PTPRQ: variants seen among roughly 807,000 people sequenced by gnomAD.
PTPRQ encodes the protein protein tyrosine phosphatase receptor type Q, also known as phosphatidylinositol phosphatase PTPRQ.
PTPRQ carries 199 observed loss-of-function variants against 246.0 expected under a neutral mutation model. The observed-to-expected ratio is 0.81, with a 90% CI of 0.72 to 0.91. The LOEUF is 0.91. PTPRQ is among the 40% of genes least tolerant of loss of function. The pLI, the probability that PTPRQ is intolerant of heterozygous loss-of-function variation, is 0.00. For missense variants in PTPRQ, 2,624 were observed against 2,528.4 expected (o/e 1.04, Z -0.81); for synonymous variants, 869 against 853.2 (o/e 1.02, Z -0.32).
At chr12:80,538,686 G>T (rs1896059340) in intron 19 of PTPRQ, among the ~76,000 whole-genome samples, 1 of 152,026 alleles carries the variant, frequency 6.6e-6, no homozygotes, top group Non-Finnish European at 1.5e-5. Context: ...TTAATTTGTT[G>T]ATAAATTTCA....
chr12:80,543,365 AT>A (rs1896212521), intron 23 of PTPRQ, among the ~76,000 whole-genome samples: 1 of 151,408 alleles, frequency 6.6e-6, no homozygotes, highest in Non-Finnish European at 1.5e-5. Flanking sequence ...AGAGTAATTC[AT>A]TTGCAACACT....
intron 35 of PTPRQ, among the ~76,000 whole-genome samples, chr12:80,648,329 G>A (rs1384296881): frequency 6.6e-6 from 1 of 151,948 alleles, no homozygotes; most frequent in African/African-American, 2.4e-5. Flanking sequence ...CTATTTAGCT[G>A]TTAAAATTAT....
intron 35 of PTPRQ, among the ~76,000 whole-genome samples, chr12:80,639,950 T>A (rs1207900054): frequency 6.6e-6 from 1 of 152,068 alleles, no homozygotes; most frequent in Admixed American, 6.6e-5. Flanking sequence ...TTTATGTAAA[T>A]GTCTAAGGTC....
chr12:80,518,950 T>C (rs1189043670), intron 17 of PTPRQ, among the ~76,000 whole-genome samples: 3 of 152,214 alleles, frequency 2.0e-5, no homozygotes, highest in Admixed American at 2.0e-4. Flanking sequence ...GATAGCTTTG[T>C]TATTCTGGGT....
At chr12:80,459,107 C>A (rs1379024857) in intron 4 of PTPRQ, among the ~76,000 whole-genome samples, 177 bp from the exon 5 acceptor site, 1 of 151,938 alleles carries the variant, frequency 6.6e-6, no homozygotes, top group African/African-American at 2.4e-5. Flanking sequence ...GTTGACTTGC[C>A]CCAACTCCAG....
chr12:80,467,345 A>T (rs1797325720), intron 6 of PTPRQ, among the ~76,000 whole-genome samples: 2 of 152,210 alleles, frequency 1.3e-5, no homozygotes, highest in Admixed American at 1.3e-4. Flanking sequence ...ATCATTAAAA[A>T]GTCAGGAAAC....
intron 3 of PTPRQ, among the ~76,000 whole-genome samples, chr12:80,452,169 A>C (rs941902874): frequency 6.8e-5 from 9 of 133,212 alleles, no homozygotes; most frequent in Admixed American, 6.2e-4. Flanking sequence ...CTGTTTTATC[A>C]GAGACTAGGA....
chr12:80,618,190 G>T (rs1183587375), intron 30 of PTPRQ, among the ~76,000 whole-genome samples: 1 of 151,442 alleles, frequency 6.6e-6, no homozygotes, highest in Admixed American at 6.6e-5. Context: ...TGATTCAAAT[G>T]TTGATAGTTA....
In PTPRQ at chr12:80,541,866, G is replaced by T. The variant is rs1248028429; in HGVS notation, c.3445+21G>T. 1.5e-5 allele frequency: 22 copies of T among 1,509,222 alleles called. No homozygotes were observed. In the Middle Eastern group the frequency reaches 5.3e-4, roughly 37 times the overall value. 93.5% of individuals were successfully genotyped at this position (1,509,222 alleles called of 1,614,324 possible). Reference sequence around the variant, plus strand: ...AGATGGTAGGCTAGACCCTTTTATTGTCTGTTAAGCAGATTGTTGTTCTTT... The same window carrying T: ...AGATGGTAGGCTAGACCCTTTTATTTTCTGTTAAGCAGATTGTTGTTCTTT... On this transcript the variant is annotated intron_variant, in intron 21 of 44. Transcript: ENST00000644991.
At chr12:80,466,146 A>C (rs1208830886) in intron 6 of PTPRQ, among the ~76,000 whole-genome samples, 1 of 152,212 alleles carries the variant, frequency 6.6e-6, no homozygotes, top group Non-Finnish European at 1.5e-5. Flanking sequence ...CTGATAAGCA[A>C]TTTCAGCAAA....
chr12:80,618,187 A>G (rs1186915730), intron 30 of PTPRQ, among the ~76,000 whole-genome samples: 1 of 151,504 alleles, frequency 6.6e-6, no homozygotes, highest in African/African-American at 2.4e-5. Flanking sequence ...ATGTGATTCA[A>G]ATGTTGATAG....
intron 8 of PTPRQ, 21 bp from the exon 9 acceptor site, chr12:80,484,412 C>CTTTT: frequency 7.1e-7 from 1 of 1,410,526 alleles, no homozygotes; most frequent in African/African-American, 1.5e-5. Flanking sequence ...CTTTTCTTTT[C>CTTTT]TTTCTTTCTT....
intron 26 of PTPRQ, among the ~76,000 whole-genome samples, chr12:80,598,808 T>C (rs1898050227): frequency 6.6e-6 from 1 of 152,000 alleles, no homozygotes; most frequent in Non-Finnish European, 1.5e-5. Flanking sequence ...TTCTGTTTTG[T>C]AAGTTGATGT....
At chr12:80,621,169 G>T (rs1438761290) in intron 32 of PTPRQ, among the ~76,000 whole-genome samples, 1 of 151,514 alleles carries the variant, frequency 6.6e-6, no homozygotes, top group Non-Finnish European at 1.5e-5. Flanking sequence ...AGAGAAATTA[G>T]GCAAATAAAA....
intron 12 of PTPRQ, among the ~76,000 whole-genome samples, chr12:80,495,765 A>G (rs1894598464): frequency 1.3e-5 from 2 of 152,038 alleles, no homozygotes; most frequent in Admixed American, 6.6e-5. Flanking sequence ...CAGTGTGCCA[A>G]AAAGTTACTT....
At chr12:80,610,252 T>C (rs766238982) in intron 27 of PTPRQ, among the ~76,000 whole-genome samples, 187 bp from the exon 28 acceptor site, 72 of 150,642 alleles carry the variant, frequency 4.8e-4, no homozygotes, top group Admixed American at 1.7e-3. Flanking sequence ...CTTTCAACTA[T>C]TAAAATAATT....
intron 9 of PTPRQ, among the ~76,000 whole-genome samples, chr12:80,486,277 A>T (rs1894273017): frequency 6.6e-6 from 1 of 152,124 alleles, no homozygotes; most frequent in Non-Finnish European, 1.5e-5. Flanking sequence ...CATCCACCTT[A>T]GTTGCTACCC....
intron 8 of PTPRQ, among the ~76,000 whole-genome samples, chr12:80,480,165 C>A (rs1454227780): frequency 6.6e-6 from 1 of 152,086 alleles, no homozygotes; most frequent in Non-Finnish European, 1.5e-5. Flanking sequence ...GAAATTATAA[C>A]AAACTATCTC....
intron 17 of PTPRQ, among the ~76,000 whole-genome samples, chr12:80,526,471 G>A (rs1415931114): frequency 1.3e-5 from 2 of 152,094 alleles, no homozygotes; most frequent in Non-Finnish European, 2.9e-5. Flanking sequence ...ATAGTAAGGT[G>A]AAGGTGATTT....
Sources: allele counts gnomAD v4.1 joint callset (sites outside exome capture counted in the v4.1 genomes callset), GRCh38; gene constraint gnomAD v4.1.1; transcripts MANE v1.5; gene names NCBI Gene and HGNC (gene_info 2026-07-23, HGNC 2026-07-21).